The following SLC6A15 variants were observed in gnomAD, a reference collection of about 807,000 sequenced individuals.
SLC6A15 encodes the protein sodium-dependent neutral amino acid transporter B(0)AT2.
In SLC6A15, 33 loss-of-function variants were observed where a neutral mutation model predicts 68.5. The observed-to-expected ratio is 0.48, with a 90% CI of 0.37 to 0.64. The LOEUF (loss-of-function observed/expected upper bound fraction) is 0.64. Ranked by LOEUF, SLC6A15 falls within the 30% of genes least tolerant of loss-of-function variation. The pLI, the probability that SLC6A15 is intolerant of heterozygous loss-of-function variation, is 0.00. For missense variants in SLC6A15, 747 were observed against 874.3 expected, an observed-to-expected ratio of 0.85 and a Z score of 1.84; for synonymous variants, 347 against 301.0, an observed-to-expected ratio of 1.15 and a Z score of -1.58.
At chr12:84,877,812 T>C (rs1871624847) in intron 5 of SLC6A15, among the ~76,000 whole-genome samples, 1 of 152,184 alleles carries the variant, frequency 6.6e-6, no homozygotes, top group Non-Finnish European at 1.5e-5. Context: ...TTAGCACTTT[T>C]CAAATTTTAT....
intron 2 of SLC6A15, among the ~76,000 whole-genome samples, chr12:84,889,190 T>C (rs946668163): frequency 2.4e-4 from 37 of 152,142 alleles, no homozygotes; most frequent in African/African-American, 8.7e-4. Flanking sequence ...CTTCAGGTAA[T>C]CTAAGCATAA....
intron 2 of SLC6A15, 92 bp downstream of exon 2, chr12:84,891,740 C>T: frequency 7.6e-7 from 1 of 1,314,086 alleles, no homozygotes; most frequent in Non-Finnish European, 1.0e-6. Flanking sequence ...TTGAAAGTTT[C>T]AAAAATAATG....
At chr12:84,891,584 C>T (rs1180681083) in intron 2 of SLC6A15, among the ~76,000 whole-genome samples, 3 of 152,034 alleles carry the variant, frequency 2.0e-5, no homozygotes, top group Non-Finnish European at 2.9e-5. Context: ...AATAAGCTTC[C>T]GGAGAAAGAA....
At chr12:84,890,608 A>T (rs1872343291) in intron 2 of SLC6A15, among the ~76,000 whole-genome samples, 1 of 152,208 alleles carries the variant, frequency 6.6e-6, no homozygotes, top group Non-Finnish European at 1.5e-5. Context: ...CCTCTAAGGC[A>T]GATTTGCCAA....
intron 1 of SLC6A15, among the ~76,000 whole-genome samples, chr12:84,907,138 A>T (rs1202209677): frequency 6.6e-6 from 1 of 152,126 alleles, no homozygotes; most frequent in Non-Finnish European, 1.5e-5. Flanking sequence ...TCATGAGGTC[A>T]GGAGATTGAG....
chr12:84,895,655 T>C (rs550540577), intron 1 of SLC6A15, among the ~76,000 whole-genome samples: 4 of 152,182 alleles, frequency 2.6e-5, no homozygotes, highest in African/African-American at 7.2e-5. Flanking sequence ...TTTGTTTGTA[T>C]TTTTACTTTA....
At chr12:84,877,603 C>G (rs1385628823) in intron 5 of SLC6A15, among the ~76,000 whole-genome samples, 3 of 152,156 alleles carry the variant, frequency 2.0e-5, no homozygotes, top group Non-Finnish European at 4.4e-5. Context: ...GCGGCACCTT[C>G]CTTCAGAAGC....
intron 6 of SLC6A15, among the ~76,000 whole-genome samples, chr12:84,875,648 CCA>C (rs1181306193): frequency 1.3e-4 from 12 of 93,076 alleles, no homozygotes; most frequent in African/African-American, 3.7e-4. Context: ...GTGGGGTGCA[CCA>C]TATATATATA....
chr12:84,907,139 G>C (rs563634291), intron 1 of SLC6A15, among the ~76,000 whole-genome samples: 2 of 152,124 alleles, frequency 1.3e-5, no homozygotes, highest in South Asian at 4.1e-4. Context: ...CATGAGGTCA[G>C]GAGATTGAGA....
chr12:84,888,308 C>A (rs1340975314), intron 2 of SLC6A15, among the ~76,000 whole-genome samples: 1 of 150,054 alleles, frequency 6.7e-6, no homozygotes, highest in Middle Eastern at 3.2e-3. Flanking sequence ...AAGACACTTA[C>A]ATGCATATGT....
chr12:84,901,024 A>C, intron 1 of SLC6A15, among the ~76,000 whole-genome samples: 1 of 131,850 alleles, frequency 7.6e-6, no homozygotes, highest in South Asian at 2.2e-4. Context: ...ACATATATAC[A>C]TGTATATATG....
At chr12:84,890,335 T>A (rs1872328419) in intron 2 of SLC6A15, among the ~76,000 whole-genome samples, 1 of 152,090 alleles carries the variant, frequency 6.6e-6, no homozygotes, top group South Asian at 2.1e-4. Flanking sequence ...TAAATGGAAG[T>A]CAACCTGACT....
At chr12:84,910,386 A>T (rs990363676) in intron 1 of SLC6A15, among the ~76,000 whole-genome samples, 3 of 152,204 alleles carry the variant, frequency 2.0e-5, no homozygotes, top group Non-Finnish European at 4.4e-5. Context: ...TACCACAACA[A>T]ATACACATGG....
intron 1 of SLC6A15, among the ~76,000 whole-genome samples, chr12:84,895,937 T>A (rs1011760280): frequency 2.6e-5 from 4 of 152,094 alleles, no homozygotes; most frequent in African/African-American, 9.7e-5. Context: ...AGGTTGGCAA[T>A]TGCCAAAAAT....
At chr12:84,885,386 C>T in intron 4 of SLC6A15, 49 bp downstream of exon 4, 1 of 1,441,714 alleles carries the variant, frequency 6.9e-7, no homozygotes, top group Non-Finnish European at 9.2e-7. Context: ...GTACCTTTGC[C>T]ACTCTTATAA....
At chr12:84,900,977 CATGTATAT>C (rs1872844578) in intron 1 of SLC6A15, among the ~76,000 whole-genome samples, 1 of 137,794 alleles carries the variant, frequency 7.3e-6, no homozygotes, top group Non-Finnish European at 1.5e-5. Context: ...TACATATATA[CATGTATAT>C]ATGTGTATAG....
At chr12:84,880,180 CAATT>C (rs1871756286) in intron 5 of SLC6A15, among the ~76,000 whole-genome samples, 1 of 152,092 alleles carries the variant, frequency 6.6e-6, no homozygotes, top group Non-Finnish European at 1.5e-5. Context: ...GGCAACACAT[CAATT>C]TTATTCCTCT....
chr12:84,882,001 TA>T (rs1871842079), intron 5 of SLC6A15: 3 of 979,102 alleles, frequency 3.1e-6, no homozygotes, highest in African/African-American at 1.8e-5. Context: ...ATGTATGTAC[TA>T]AATAAATTGT....
chr12:84,867,145 C>T lies in SLC6A15; in HGVS notation c.1544G>A (p.Arg515His), dbSNP rs1330401543. Residue 515 changes from arginine to histidine, a missense_variant, in exon 10 of 12, where the codon CGC (arginine) becomes CAC (histidine). Transcript: ENST00000266682. ...CATTGTAACAAAGTAATTTCCAGAG[C>T]GTTGCACAAATATCAGGCCAATACA... The part of the protein sequence containing the change: ...AFCIGLIFVQ[R>H]SGNYFVTMFD... The T allele has an allele frequency of 3.7e-6, 6 of 1,611,662 alleles. No homozygotes were observed. Among genetic ancestry groups the T allele is most frequent in the Non-Finnish European group, 3.4e-6 (4 of 1,178,850 alleles).
Sources: allele counts gnomAD v4.1 joint callset (sites outside exome capture counted in the v4.1 genomes callset), GRCh38; gene constraint gnomAD v4.1.1; transcripts MANE v1.5; gene names NCBI Gene and HGNC (gene_info 2026-07-23, HGNC 2026-07-21).